PRR16: variants seen among roughly 807,000 people sequenced by gnomAD.
PRR16 encodes proline rich 16.
A neutral mutation model predicts 18.2 loss-of-function variants in PRR16; 6 were observed. The ratio of observed to expected loss-of-function variants is 0.33; its 90% CI spans 0.18 to 0.65. The LOEUF (loss-of-function observed/expected upper bound fraction) is 0.65. Among genes scored for constraint, PRR16 ranks in the 30% least tolerant of loss-of-function variants. The pLI is 0.74. For synonymous variants in PRR16, 151 were observed against 147.8 expected, an observed-to-expected ratio of 1.02 and a Z score of -0.16; for missense variants, 412 against 376.6, an observed-to-expected ratio of 1.09 and a Z score of -0.78.
chr5:120,712,928 G>T, the PRR16 span, among the ~76,000 whole-genome samples: 1 of 151,926 alleles, frequency 6.6e-6, no homozygotes, highest in African/African-American at 2.4e-5. Flanking sequence ...TTCTAAAAAA[G>T]TTAAAAATAG....
intron 1 of PRR16, among the ~76,000 whole-genome samples, chr5:120,470,215 G>C (rs1580610445): frequency 6.6e-6 from 1 of 152,152 alleles, no homozygotes; most frequent in Middle Eastern, 3.4e-3. Flanking sequence ...ATTCAACTCT[G>C]ATTGAAATAT....
At chr5:120,493,203 C>T (rs1470749259) in intron 1 of PRR16, among the ~76,000 whole-genome samples, 1 of 147,730 alleles carries the variant, frequency 6.8e-6, no homozygotes, top group Non-Finnish European at 1.5e-5. Flanking sequence ...CTTTTCACCA[C>T]ATCTACACCA....
chr5:120,733,556 G>A, the PRR16 span, among the ~76,000 whole-genome samples: 1 of 152,062 alleles, frequency 6.6e-6, no homozygotes, highest in Admixed American at 6.6e-5. Flanking sequence ...TACCTGTATT[G>A]CTGAAAATTA....
intron 1 of PRR16, among the ~76,000 whole-genome samples, chr5:120,671,832 GA>G (rs544077566): frequency 1.9e-3 from 293 of 152,126 alleles, no homozygotes; most frequent in Non-Finnish European, 3.4e-3. Context: ...GTATGAAAAA[GA>G]GAGAAGTTAG....
intron 1 of PRR16, among the ~76,000 whole-genome samples, chr5:120,573,420 A>C (rs1186564953): frequency 6.6e-6 from 1 of 152,176 alleles, no homozygotes; most frequent in Non-Finnish European, 1.5e-5. Flanking sequence ...AACTGGCCAT[A>C]GTTCACACCA....
intron 1 of PRR16, among the ~76,000 whole-genome samples, chr5:120,577,964 A>G (rs1466421942): frequency 6.6e-6 from 1 of 152,200 alleles, no homozygotes; most frequent in Non-Finnish European, 1.5e-5. Flanking sequence ...GATCAGACTC[A>G]AGTGGTATGC....
intron 1 of PRR16, among the ~76,000 whole-genome samples, chr5:120,625,560 G>T (rs986931787): frequency 6.6e-6 from 1 of 152,050 alleles, no homozygotes; most frequent in Non-Finnish European, 1.5e-5. Flanking sequence ...CTGGTCTCAA[G>T]CTCCTGGACT....
At chr5:120,655,045 A>G (rs1755919602) in intron 1 of PRR16, among the ~76,000 whole-genome samples, 1 of 151,964 alleles carries the variant, frequency 6.6e-6, no homozygotes, top group Non-Finnish European at 1.5e-5. Context: ...TATCTCATGT[A>G]CACCAATCAT....
At chr5:120,716,741 G>T in the PRR16 span, among the ~76,000 whole-genome samples, 1 of 152,000 alleles carries the variant, frequency 6.6e-6, no homozygotes, top group African/African-American at 2.4e-5. Flanking sequence ...GTGTGGTGGC[G>T]GGCGCTTATA....
chr5:120,540,452 G>A (rs938712598), intron 1 of PRR16, among the ~76,000 whole-genome samples: 84 of 152,240 alleles, frequency 5.5e-4, no homozygotes, highest in Middle Eastern at 3.4e-3. Flanking sequence ...TGCCCTGGCC[G>A]GGCCTCTCTT....
the PRR16 span, among the ~76,000 whole-genome samples, chr5:120,747,695 G>A: frequency 2.0e-5 from 3 of 151,990 alleles, no homozygotes; most frequent in South Asian, 2.1e-4. Context: ...AGAATAAGGC[G>A]CTTTTTAGAG....
chr5:120,754,243 GATA>G, the PRR16 span, among the ~76,000 whole-genome samples: 1 of 23,486 alleles, frequency 4.3e-5, no homozygotes, highest in Non-Finnish European at 7.2e-5. Flanking sequence ...TATATAATTA[GATA>G]TTATAATATA....
intron 1 of PRR16, among the ~76,000 whole-genome samples, chr5:120,650,214 TA>T (rs1273150513): frequency 1.3e-3 from 165 of 126,086 alleles, no homozygotes; most frequent in East Asian, 1.5e-3. Context: ...AGACTCCTTC[TA>T]AAAAAAAAAA....
At chr5:120,710,092 A>G in the PRR16 span, among the ~76,000 whole-genome samples, 2 of 152,136 alleles carry the variant, frequency 1.3e-5, no homozygotes, top group Admixed American at 6.6e-5. Flanking sequence ...ATTCCTACCA[A>G]CAGTGTATGA....
In PRR16 at chr5:120,464,322, C is replaced by A. The variant is rs1298089815; in HGVS notation, c.-165C>A. 1.5e-5 allele frequency: 10 copies of A among 655,250 alleles called. No homozygotes were observed. The highest frequency in any genetic ancestry group is 3.9e-5 in the African/African-American group (2 of 51,600). The allele number at this position is 655,250 out of a possible 1,614,324, so 40.6% of individuals were successfully genotyped here. ...GGGAGTTGATGGCAGCACCACTGTG[C>A]GGCCGCCCGGCCGAGCGCGGAGCGC... On this transcript the variant is annotated 5_prime_UTR_variant, in exon 1 of 2. An upstream open reading frame in the 5' UTR gains an earlier in-frame stop. Transcript: ENST00000407149.
chr5:120,779,716 G>A, the PRR16 span, among the ~76,000 whole-genome samples: 2 of 152,066 alleles, frequency 1.3e-5, no homozygotes, highest in Non-Finnish European at 2.9e-5. Context: ...TTGCAAAAAT[G>A]GCACATGCTG....
chr5:120,490,334 G>T (rs1042754507), intron 1 of PRR16, among the ~76,000 whole-genome samples: 2 of 152,092 alleles, frequency 1.3e-5, no homozygotes, highest in Non-Finnish European at 2.9e-5. Context: ...CATATTTCTT[G>T]GAGGCTTTGT....
chr5:120,499,722 C>A (rs139618311), intron 1 of PRR16, among the ~76,000 whole-genome samples: 225 of 151,122 alleles, frequency 1.5e-3, no homozygotes, highest in Middle Eastern at 6.9e-3. Context: ...TGCTTTAAAA[C>A]CTTTGACACC....
intron 1 of PRR16, among the ~76,000 whole-genome samples, chr5:120,644,486 T>G (rs1755527604): frequency 6.6e-6 from 1 of 152,110 alleles, no homozygotes; most frequent in Non-Finnish European, 1.5e-5. Context: ...GGAAGATACA[T>G]GGTGAAGGTT....
Sources: gnomAD v4.1 joint callset for allele counts (sites outside exome capture counted in the v4.1 genomes callset) on GRCh38, gnomAD v4.1.1 for gene constraint, MANE v1.5 for transcripts, NCBI Gene and HGNC (gene_info 2026-07-23, HGNC 2026-07-21) for gene names.